The following PKIA variants were observed in gnomAD, a reference collection of about 807,000 sequenced individuals.
PKIA encodes cAMP-dependent protein kinase inhibitor alpha, also known as PKI-alpha.
In PKIA, 4 loss-of-function variants were observed where a neutral mutation model predicts 7.6. That is an observed-to-expected ratio of 0.52 (90% CI 0.26 to 1.20). The LOEUF (loss-of-function observed/expected upper bound fraction) is 1.20, where lower values mean the gene tolerates loss of function less well. Among genes scored for constraint, PKIA ranks in the 50% most tolerant of loss-of-function variants. The probability of loss-of-function intolerance (pLI) is 0.13; values close to 1 mark genes in which losing one functional copy is unlikely to be tolerated. For synonymous variants in PKIA, 21 were observed against 30.7 expected (o/e 0.68, Z 1.04); for missense variants, 73 against 86.2 (o/e 0.85, Z 0.61).
intron 3 of PKIA, among the ~76,000 whole-genome samples, chr8:78,599,129 T>C (rs1808297600): frequency 6.6e-6 from 1 of 151,932 alleles, no homozygotes. Context: ...ACCCAAGGAG[T>C]CTATCTTCAT....
intron 2 of PKIA, among the ~76,000 whole-genome samples, chr8:78,579,117 C>A (rs959743988): frequency 6.6e-6 from 1 of 151,940 alleles, no homozygotes; most frequent in Non-Finnish European, 1.5e-5. Context: ...CCACCTCTAA[C>A]TTTAAAATCT....
At chr8:78,571,904 A>G (rs1807558819) in intron 1 of PKIA, among the ~76,000 whole-genome samples, 1 of 152,154 alleles carries the variant, frequency 6.6e-6, no homozygotes, top group Non-Finnish European at 1.5e-5. Flanking sequence ...TCAATCAGAT[A>G]GAAAAGAGTA....
chr8:78,532,130 T>C (rs141370256), intron 1 of PKIA, among the ~76,000 whole-genome samples: 1 of 152,222 alleles, frequency 6.6e-6, no homozygotes, highest in Non-Finnish European at 1.5e-5. Context: ...ATCACCCAGG[T>C]ATTAAGCCTA....
chr8:78,582,764 T>C (rs13281551), intron 2 of PKIA, among the ~76,000 whole-genome samples: 12,627 of 152,114 alleles, frequency 0.083, 631 homozygotes, highest in Middle Eastern at 0.16. Context: ...AAAAAACAGA[T>C]CATAAGGAAC....
intron 1 of PKIA, among the ~76,000 whole-genome samples, chr8:78,539,543 GA>G (rs1434497627): frequency 1.3e-5 from 2 of 151,968 alleles, no homozygotes; most frequent in African/African-American, 2.4e-5. Flanking sequence ...CTAACTCAGA[GA>G]TTTTTATTTT....
intron 1 of PKIA, among the ~76,000 whole-genome samples, chr8:78,553,303 T>C (rs903096935): frequency 6.6e-5 from 10 of 151,950 alleles, no homozygotes; most frequent in African/African-American, 2.4e-4. Flanking sequence ...GTCCCGTCTG[T>C]GGAGGCAGAG....
At chr8:78,593,215 C>G (rs926226857) in intron 2 of PKIA, among the ~76,000 whole-genome samples, 5 of 152,050 alleles carry the variant, frequency 3.3e-5, no homozygotes, top group Admixed American at 1.3e-4. Flanking sequence ...CTCCGCCACC[C>G]GGGTTCAAGC....
chr8:78,599,993 A>G (rs1261984762), intron 3 of PKIA, among the ~76,000 whole-genome samples: 2 of 150,126 alleles, frequency 1.3e-5, no homozygotes, highest in African/African-American at 4.9e-5. Context: ...TATAAATAAA[A>G]TAATTTCATA....
At chr8:78,518,640 G>A (rs761826402) in intron 1 of PKIA, among the ~76,000 whole-genome samples, 1 of 152,128 alleles carries the variant, frequency 6.6e-6, no homozygotes, top group East Asian at 1.9e-4. Flanking sequence ...TTAGAAATTC[G>A]AAGTGTCTAT....
chr8:78,587,308 C>T (rs897958576), intron 2 of PKIA, among the ~76,000 whole-genome samples: 2 of 152,130 alleles, frequency 1.3e-5, no homozygotes, highest in Non-Finnish European at 2.9e-5. Context: ...TAACAAAGAA[C>T]ACCACCAGCC....
At chr8:78,588,987 G>A (rs1808027006) in intron 2 of PKIA, among the ~76,000 whole-genome samples, 1 of 152,042 alleles carries the variant, frequency 6.6e-6, no homozygotes, top group African/African-American at 2.4e-5. Flanking sequence ...GAAGATGTAA[G>A]CAATTTGCAA....
chr8:78,539,889 C>T (rs1222703683), intron 1 of PKIA, among the ~76,000 whole-genome samples: 1 of 151,742 alleles, frequency 6.6e-6, no homozygotes, highest in Admixed American at 6.6e-5. Context: ...TAAACATACA[C>T]CTACAGTTTT....
At chr8:78,545,111 TGAAAA>T (rs1322051907) in intron 1 of PKIA, among the ~76,000 whole-genome samples, 1 of 152,116 alleles carries the variant, frequency 6.6e-6, no homozygotes, top group African/African-American at 2.4e-5. Flanking sequence ...CTTATTAAAA[TGAAAA>T]GAAAGGATTA....
intron 1 of PKIA, among the ~76,000 whole-genome samples, chr8:78,517,472 G>A (rs957241710): frequency 6.6e-6 from 1 of 152,212 alleles, no homozygotes; most frequent in African/African-American, 2.4e-5. Context: ...GTTGGATTTT[G>A]AGACAGCTAG....
At chr8:78,525,393 T>G (rs530006592) in intron 1 of PKIA, among the ~76,000 whole-genome samples, 22 of 151,904 alleles carry the variant, frequency 1.4e-4, no homozygotes, top group Non-Finnish European at 3.1e-4. Context: ...TGTGAGATAG[T>G]GGGCCTGTCA....
chr8:78,601,763 G>A lies in PKIA; in HGVS notation c.173G>A (p.Arg58Gln), dbSNP rs536361273. ...GCAGAAGGTGAAGAAGATGCACAACGAAGTTCTACAGAACAAAGTGGGGAA... is the reference window on the plus strand; with the variant it reads ...GCAGAAGGTGAAGAAGATGCACAACAAAGTTCTACAGAACAAAGTGGGGAA... ...NKTEGEEDAQRSSTEQSGEAQ... is the reference protein window; with the variant it reads ...NKTEGEEDAQQSSTEQSGEAQ... Residue 58 changes from arginine to glutamine, a missense_variant, in exon 4 of 4, where the codon CGA becomes CAA. Coordinates refer to ENST00000396418, the MANE Select transcript of PKIA (RefSeq NM_006823.4). 8.7e-5 allele frequency: 140 copies of A among 1,612,112 alleles called. 1 individual carries two copies. Among genetic ancestry groups the A allele is most frequent in the Middle Eastern group, 1.7e-4 (1 of 6,050 alleles).
At chr8:78,587,556 T>C (rs997800777) in intron 2 of PKIA, among the ~76,000 whole-genome samples, 6 of 152,148 alleles carry the variant, frequency 3.9e-5, no homozygotes, top group African/African-American at 1.4e-4. Context: ...AAATGATTTA[T>C]AAACCCTTTG....
intron 1 of PKIA, among the ~76,000 whole-genome samples, chr8:78,525,022 T>A (rs1460782439): frequency 6.6e-6 from 1 of 151,872 alleles, no homozygotes; most frequent in East Asian, 1.9e-4. Context: ...AAATTATGGA[T>A]AGAACTACCC....
At chr8:78,548,582 A>G (rs1294690432) in intron 1 of PKIA, among the ~76,000 whole-genome samples, 1 of 152,092 alleles carries the variant, frequency 6.6e-6, no homozygotes, top group Non-Finnish European at 1.5e-5. Flanking sequence ...TGTGTTTGGA[A>G]AGTATTTTGT....
Sources: gnomAD v4.1 joint callset for allele counts (sites outside exome capture counted in the v4.1 genomes callset) on GRCh38, gnomAD v4.1.1 for gene constraint, MANE v1.5 for transcripts, NCBI Gene and HGNC (gene_info 2026-07-23, HGNC 2026-07-21) for gene names.